Variants in ST6GALNAC3 observed in about 807,000 individuals in gnomAD.
The protein encoded by ST6GALNAC3 is ST6 N-acetylgalactosaminide alpha-2,6-sialyltransferase 3, also known as alpha-N-acetylgalactosaminide alpha-2,6-sialyltransferase 3.
In ST6GALNAC3, 25 loss-of-function variants were observed where a neutral mutation model predicts 32.7. The ratio of observed to expected loss-of-function variants is 0.76; its 90% CI spans 0.56 to 1.07. ST6GALNAC3 has a LOEUF of 1.07. ST6GALNAC3 is among the 50% of genes least tolerant of loss of function. ST6GALNAC3 has a pLI of 0.00. For synonymous variants in ST6GALNAC3, 129 were observed against 133.1 expected (o/e 0.97, Z 0.21); for missense variants, 355 against 382.4 (o/e 0.93, Z 0.60).
chr1:76,557,866 A>G (rs1665019259), intron 3 of ST6GALNAC3, among the ~76,000 whole-genome samples: 1 of 152,154 alleles, frequency 6.6e-6, no homozygotes, highest in Admixed American at 6.5e-5. Flanking sequence ...GAGTCATTCC[A>G]GCCAAAAGCA....
At chr1:76,318,000 T>TGAAGGCCCCACATA (rs972136021) in intron 2 of ST6GALNAC3, among the ~76,000 whole-genome samples, 7 of 152,138 alleles carry the variant, frequency 4.6e-5, no homozygotes, top group Non-Finnish European at 8.8e-5. Flanking sequence ...CAGCCTGCCC[T>TGAAGGCCCCACATA]GAAGGCCCCA....
intron 1 of ST6GALNAC3, among the ~76,000 whole-genome samples, chr1:76,305,471 G>A (rs900862807): frequency 6.6e-6 from 1 of 152,078 alleles, no homozygotes; most frequent in Non-Finnish European, 1.5e-5. Context: ...CACTTACACT[G>A]TAGAGTCCAG....
intron 2 of ST6GALNAC3, among the ~76,000 whole-genome samples, chr1:76,324,111 C>T (rs1043225942): frequency 2.0e-5 from 3 of 152,192 alleles, no homozygotes; most frequent in African/African-American, 7.2e-5. Flanking sequence ...CCGCCTTGGC[C>T]TCCCAGAGTG....
intron 3 of ST6GALNAC3, among the ~76,000 whole-genome samples, chr1:76,609,888 G>C (rs1203177023): frequency 1.3e-5 from 2 of 152,008 alleles, no homozygotes; most frequent in African/African-American, 4.8e-5. Flanking sequence ...AATCATCCTT[G>C]CACTCCTGGA....
At chr1:76,411,195 C>T (rs1654211534) in intron 2 of ST6GALNAC3, among the ~76,000 whole-genome samples, 1 of 152,102 alleles carries the variant, frequency 6.6e-6, no homozygotes, top group Non-Finnish European at 1.5e-5. Context: ...GGGCAGTGGG[C>T]TTAGAGTTAG....
chr1:76,401,934 C>G (rs1298644987), intron 2 of ST6GALNAC3, among the ~76,000 whole-genome samples: 1 of 152,116 alleles, frequency 6.6e-6, no homozygotes, highest in Non-Finnish European at 1.5e-5. Flanking sequence ...TACTAATGCC[C>G]CTGGGGCAAA....
chr1:76,213,452 T>G (rs144235206), intron 1 of ST6GALNAC3, among the ~76,000 whole-genome samples: 82 of 152,344 alleles, frequency 5.4e-4, no homozygotes, highest in African/African-American at 1.9e-3. Flanking sequence ...GGTTGTTTGT[T>G]ACAGTAGCTT....
At chr1:76,126,202 C>A (rs1185679588) in intron 1 of ST6GALNAC3, among the ~76,000 whole-genome samples, 1 of 152,144 alleles carries the variant, frequency 6.6e-6, no homozygotes, top group African/African-American at 2.4e-5. Flanking sequence ...CTTCTATTTT[C>A]TCAATATTTT....
intron 2 of ST6GALNAC3, among the ~76,000 whole-genome samples, chr1:76,361,977 C>CCAAA (rs1649981595): frequency 1.6e-5 from 1 of 63,212 alleles, no homozygotes; most frequent in African/African-American, 3.7e-5. Context: ...GACTCTGTAT[C>CCAAA]AAAAAAAAAA....
intron 3 of ST6GALNAC3, among the ~76,000 whole-genome samples, chr1:76,484,022 A>C (rs879285658): frequency 3.3e-5 from 5 of 152,140 alleles, no homozygotes; most frequent in African/African-American, 9.7e-5. Context: ...GTCAAAGATC[A>C]GATGGTTGTA....
At position 76,275,875 on chromosome 1, in the gene ST6GALNAC3, C is replaced by T. The variant is rs144274869; in HGVS notation, c.19-37930C>T. ...CTGAATGGGTCACATGTAGTGCAAG[C>T]TTCAAGACTGGTTTGATTCAGCGGT... On this transcript the variant is annotated intron_variant, in intron 1 of 4. Coordinates refer to ENST00000328299, the MANE Select transcript of ST6GALNAC3 (RefSeq NM_152996.4). Among the ~76,000 whole-genome samples, 276 of 152,284 alleles carry T rather than the reference C, an allele frequency of 1.8e-3. 3 individuals carry two copies. Among genetic ancestry groups the T allele is most frequent in the African/African-American group, 5.8e-3 (243 of 41,556 alleles).
intron 2 of ST6GALNAC3, among the ~76,000 whole-genome samples, chr1:76,404,174 C>T (rs1185020755): frequency 6.6e-6 from 1 of 152,088 alleles, no homozygotes; most frequent in African/African-American, 2.4e-5. Context: ...GTAAATGCCA[C>T]ATCCCAAATC....
chr1:76,503,052 A>C (rs1395363588), intron 3 of ST6GALNAC3, among the ~76,000 whole-genome samples: 1 of 152,212 alleles, frequency 6.6e-6, no homozygotes, highest in African/African-American at 2.4e-5. Flanking sequence ...TACGCTAAAT[A>C]ACCTGAAACG....
intron 3 of ST6GALNAC3, among the ~76,000 whole-genome samples, chr1:76,483,298 A>T (rs1411940709): frequency 6.6e-6 from 1 of 152,234 alleles, no homozygotes; most frequent in East Asian, 1.9e-4. Context: ...AAGAATCGCC[A>T]TACTGTCTTC....
chr1:76,630,037 C>T lies in ST6GALNAC3; in HGVS notation c.*1231C>T, dbSNP rs1388877128. 1 of 985,080 alleles carries T rather than the reference C, an allele frequency of 1.0e-6. No individual in the cohort carries two copies. Among genetic ancestry groups the T allele is most frequent in the Non-Finnish European group, 1.2e-6 (1 of 829,832 alleles). 61.0% of individuals were successfully genotyped at this position (985,080 alleles called of 1,614,324 possible). A position where few individuals can be genotyped will look rare whatever the true frequency, so the allele number is the denominator to read the frequency against. ...TGCTTTGTCATTTAGAGTCCTTTAA[C>T]ATCTGTTATACCATGTGATGCCCTT... is the stretch of plus-strand genomic sequence containing the variant. On this transcript the variant is annotated 3_prime_UTR_variant, in exon 5 of 5. Coordinates refer to ENST00000328299, the MANE Select transcript of ST6GALNAC3 (RefSeq NM_152996.4).
intron 2 of ST6GALNAC3, among the ~76,000 whole-genome samples, chr1:76,339,674 T>C (rs1647796056): frequency 6.6e-6 from 1 of 152,112 alleles, no homozygotes; most frequent in Non-Finnish European, 1.5e-5. Flanking sequence ...TCAACAATCA[T>C]TTATTGAGTG....
intron 3 of ST6GALNAC3, among the ~76,000 whole-genome samples, chr1:76,465,943 A>G (rs1658597141): frequency 6.6e-6 from 1 of 152,134 alleles, no homozygotes; most frequent in Non-Finnish European, 1.5e-5. Flanking sequence ...GACAGAAAAT[A>G]AAACAACCAA....
At chr1:76,555,018 A>G (rs1664837389) in intron 3 of ST6GALNAC3, among the ~76,000 whole-genome samples, 2 of 152,132 alleles carry the variant, frequency 1.3e-5, no homozygotes, top group African/African-American at 4.8e-5. Context: ...AGGTTAAATC[A>G]TTTTTCTTCT....
At chr1:76,212,989 C>T (rs549201521) in intron 1 of ST6GALNAC3, among the ~76,000 whole-genome samples, 62 of 152,292 alleles carry the variant, frequency 4.1e-4, no homozygotes, top group Admixed American at 1.2e-3. Flanking sequence ...AAATTTACTG[C>T]ATATGCTTGA....
Sources: allele counts gnomAD v4.1 joint callset (sites outside exome capture counted in the v4.1 genomes callset), GRCh38; gene constraint gnomAD v4.1.1; transcripts MANE v1.5; gene names NCBI Gene and HGNC (gene_info 2026-07-23, HGNC 2026-07-21).